QTMAN: variants seen among roughly 807,000 people sequenced by gnomAD.
QTMAN encodes the protein queuosine-tRNA mannosyltransferase, also known as tRNA-queuosine alpha-mannosyltransferase.
At chr2:144,312,402 T>C in the QTMAN span, among the ~76,000 whole-genome samples, 1 of 152,096 alleles carries the variant, frequency 6.6e-6, no homozygotes, top group Non-Finnish European at 1.5e-5. Context: ...CAGCCCTCCT[T>C]GGCAGGATCC....
At chr2:143,982,489 C>T in the QTMAN span, among the ~76,000 whole-genome samples, 2 of 151,670 alleles carry the variant, frequency 1.3e-5, no homozygotes, top group African/African-American at 4.8e-5. Flanking sequence ...CCTGCCTTGG[C>T]CTCCCAAAGT....
chr2:143,989,962 G>T, the QTMAN span, among the ~76,000 whole-genome samples: 1 of 152,112 alleles, frequency 6.6e-6, no homozygotes, highest in East Asian at 1.9e-4. Context: ...TCAACCCTGT[G>T]TGTTGCAAAT....
the QTMAN span, among the ~76,000 whole-genome samples, chr2:144,209,917 T>G: frequency 6.6e-6 from 1 of 152,172 alleles, no homozygotes; most frequent in Non-Finnish European, 1.5e-5. Flanking sequence ...TCAATGATGT[T>G]CTTCACTAAT....
the QTMAN span, among the ~76,000 whole-genome samples, chr2:143,966,064 CAT>C: frequency 4.6e-5 from 7 of 152,098 alleles, no homozygotes; most frequent in Non-Finnish European, 7.4e-5. Flanking sequence ...ATTCATTTCA[CAT>C]GAGTGGCCAG....
the QTMAN span, among the ~76,000 whole-genome samples, chr2:144,287,005 G>C: frequency 6.6e-6 from 1 of 152,180 alleles, no homozygotes; most frequent in Non-Finnish European, 1.5e-5. Flanking sequence ...GATGAGGTTT[G>C]CATGAAGCCA....
the QTMAN span, among the ~76,000 whole-genome samples, chr2:144,216,934 T>G: frequency 6.6e-6 from 1 of 152,154 alleles, no homozygotes; most frequent in African/African-American, 2.4e-5. Flanking sequence ...CATTCCACAT[T>G]TAGTAATTAG....
At chr2:144,145,109 A>T in the QTMAN span, among the ~76,000 whole-genome samples, 422 of 128,878 alleles carry the variant, frequency 3.3e-3, 1 homozygote, top group African/African-American at 0.012. Flanking sequence ...CTTACAATTT[A>T]AAAAAAAAAA....
chr2:144,321,354 A>C, the QTMAN span, among the ~76,000 whole-genome samples: 1 of 152,190 alleles, frequency 6.6e-6, no homozygotes, highest in Non-Finnish European at 1.5e-5. Flanking sequence ...GCAATGGAGG[A>C]ATGTGTTTGG....
At chr2:144,056,622 A>T in the QTMAN span, among the ~76,000 whole-genome samples, 1 of 152,200 alleles carries the variant, frequency 6.6e-6, no homozygotes, top group African/African-American at 2.4e-5. Flanking sequence ...TAAACACTCA[A>T]AAGGTGCTGA....
chr2:144,136,229 G>A, the QTMAN span, among the ~76,000 whole-genome samples: 244 of 151,844 alleles, frequency 1.6e-3, no homozygotes, highest in African/African-American at 5.7e-3. Context: ...AGTAGGGTAA[G>A]ATGGGAGAGT....
At chr2:143,955,347 T>C in the QTMAN span, among the ~76,000 whole-genome samples, 1 of 152,186 alleles carries the variant, frequency 6.6e-6, no homozygotes, top group Admixed American at 6.5e-5. Context: ...ACTTAGCAGA[T>C]GGGATTAAAA....
At chr2:144,035,084 G>A in the QTMAN span, among the ~76,000 whole-genome samples, 1 of 152,186 alleles carries the variant, frequency 6.6e-6, no homozygotes, top group Non-Finnish European at 1.5e-5. Flanking sequence ...AAGATGTTTG[G>A]GTTATGGGGG....
the QTMAN span, among the ~76,000 whole-genome samples, chr2:144,316,046 T>C: frequency 1.3e-5 from 2 of 152,198 alleles, no homozygotes; most frequent in South Asian, 4.1e-4. Flanking sequence ...TTAAAAATGC[T>C]AGCCTAGGCA....
the QTMAN span, chr2:144,319,712 G>A: frequency 9.2e-5 from 14 of 151,958 alleles, no homozygotes; most frequent in South Asian, 6.2e-4. Context: ...CCCAGCAGGC[G>A]GCTCACCCAG....
chr2:144,311,539 T>C, the QTMAN span, among the ~76,000 whole-genome samples: 5 of 152,244 alleles, frequency 3.3e-5, no homozygotes, highest in East Asian at 1.9e-4. Context: ...GCAAGCTTAA[T>C]TGATGGTTGA....
At chr2:144,210,284 C>G in the QTMAN span, among the ~76,000 whole-genome samples, 1 of 152,030 alleles carries the variant, frequency 6.6e-6, no homozygotes, top group African/African-American at 2.4e-5. Flanking sequence ...TAACCTCAGA[C>G]ATGTGTTAAG....
chr2:144,291,988 T>C, the QTMAN span, among the ~76,000 whole-genome samples: 1 of 152,188 alleles, frequency 6.6e-6, no homozygotes, highest in Non-Finnish European at 1.5e-5. Context: ...AAATGAACAT[T>C]TGGTTTGAAT....
the QTMAN span, among the ~76,000 whole-genome samples, chr2:144,062,191 C>A: frequency 6.6e-6 from 1 of 152,232 alleles, no homozygotes; most frequent in African/African-American, 2.4e-5. Flanking sequence ...CACCCCTAGA[C>A]CCTGCCATGG....
chr2:144,104,071 C>A, the QTMAN span, among the ~76,000 whole-genome samples: 5 of 152,138 alleles, frequency 3.3e-5, no homozygotes, highest in African/African-American at 1.2e-4. Flanking sequence ...GTCTGGGCAA[C>A]AGAGCAAGAC....
Sources: allele counts gnomAD v4.1 joint callset (sites outside exome capture counted in the v4.1 genomes callset), GRCh38; gene constraint gnomAD v4.1.1; transcripts MANE v1.5; gene names NCBI Gene and HGNC (gene_info 2026-07-23, HGNC 2026-07-21).